KSR1: variants seen among roughly 807,000 people sequenced by gnomAD.
KSR1 encodes kinase suppressor of ras 1.
In KSR1, 35 loss-of-function variants were observed where a neutral mutation model predicts 92.9. That is an observed-to-expected ratio of 0.38 (90% CI 0.29 to 0.50). KSR1 has a LOEUF of 0.50. Among genes scored for constraint, KSR1 ranks in the 20% least tolerant of loss-of-function variants. KSR1 has a pLI of 0.94. For missense variants in KSR1, 972 were observed against 1,158.5 expected (o/e 0.84, Z 2.34); for synonymous variants, 467 against 472.6 (o/e 0.99, Z 0.15).
intron 2 of KSR1, among the ~76,000 whole-genome samples, chr17:27,570,854 A>C (rs1050268128): frequency 6.6e-6 from 1 of 152,220 alleles, no homozygotes; most frequent in Non-Finnish European, 1.5e-5. Context: ...CCGCACCTCC[A>C]GAAATTCTGA....
At chr17:27,483,406 G>A (rs2068569955) in intron 1 of KSR1, among the ~76,000 whole-genome samples, 1 of 151,982 alleles carries the variant, frequency 6.6e-6, no homozygotes, top group Admixed American at 6.6e-5. Flanking sequence ...TGATCAACGT[G>A]GAGAAACCCT....
At chr17:27,475,626 C>A (rs967501057) in intron 1 of KSR1, among the ~76,000 whole-genome samples, 1 of 152,214 alleles carries the variant, frequency 6.6e-6, no homozygotes, top group Non-Finnish European at 1.5e-5. Flanking sequence ...ACGGGGACAG[C>A]GATGCCCTTC....
At chr17:27,535,983 A>G (rs1195900989) in intron 1 of KSR1, among the ~76,000 whole-genome samples, 2 of 152,228 alleles carry the variant, frequency 1.3e-5, no homozygotes, top group Non-Finnish European at 2.9e-5. Context: ...ATGATGGCAG[A>G]CACTGCCTCT....
rs770696646 is a variant in KSR1 at position 27,604,724 on chromosome 17, C to T, written c.1610C>T (p.Ala537Val). Reference sequence around the variant, plus strand: ...GCAGATGTGTTGGAAGCTCACGAAGCGGAGGTGAGGGTGACACACACGTGT... The same window carrying T: ...GCAGATGTGTTGGAAGCTCACGAAGTGGAGGTGAGGGTGACACACACGTGT... ...PKADVLEAHE[A>V]EAEEPEAGKS... Residue 537 changes from alanine to valine, a missense_variant, in exon 13 of 21, where the codon GCG becomes GTG. Ala to Val is a moderately conservative substitution (Grantham distance 64, BLOSUM62 0). Coordinates refer to ENST00000644974, the MANE Select transcript of KSR1 (RefSeq NM_001394583.1). 5.1e-5 allele frequency: 83 copies of T among 1,613,894 alleles called. No homozygotes were observed. In the Middle Eastern group the frequency reaches 9.9e-4, roughly 19 times the overall value.
At chr17:27,560,415 T>G (rs1427735891) in intron 2 of KSR1, 1 of 519,082 alleles carries the variant, frequency 1.9e-6, no homozygotes, top group Non-Finnish European at 3.8e-6. Flanking sequence ...GAATAAGCTC[T>G]TACTGCTGGT....
At chr17:27,538,781 A>C (rs1271444002) in intron 1 of KSR1, among the ~76,000 whole-genome samples, 2 of 152,122 alleles carry the variant, frequency 1.3e-5, no homozygotes, top group Non-Finnish European at 2.9e-5. Context: ...GGCGCCCCTC[A>C]TCCTTCTGGG....
chr17:27,597,056 G>A (rs1360179588), intron 9 of KSR1, among the ~76,000 whole-genome samples: 1 of 152,224 alleles, frequency 6.6e-6, no homozygotes, highest in African/African-American at 2.4e-5. Context: ...GCTGAAATCA[G>A]AAAGCTGAGC....
chr17:27,543,967 G>A (rs748781628), intron 1 of KSR1, among the ~76,000 whole-genome samples: 2 of 152,206 alleles, frequency 1.3e-5, no homozygotes, highest in African/African-American at 4.8e-5. Flanking sequence ...CATATCTTCT[G>A]TATTGCCTAG....
At chr17:27,623,247 C>G (rs1038734840) in intron 20 of KSR1, 67 bp from the exon 21 acceptor site, 1 of 726,624 alleles carries the variant, frequency 1.4e-6, no homozygotes, top group Non-Finnish European at 2.5e-6. Context: ...CATTTCCTAG[C>G]TAGTGTTACC....
chr17:27,576,847 G>A (rs1326472620), intron 2 of KSR1, among the ~76,000 whole-genome samples: 1 of 152,204 alleles, frequency 6.6e-6, no homozygotes, highest in African/African-American at 2.4e-5. Flanking sequence ...AAGATCAGGA[G>A]CAACACCAGG....
At chr17:27,588,675 G>A (rs976478416) in intron 6 of KSR1, 140 bp downstream of exon 6, 3 of 689,992 alleles carry the variant, frequency 4.3e-6, no homozygotes, top group African/African-American at 3.7e-5. Flanking sequence ...ACATGGCCCT[G>A]CACTTACCTG....
At chr17:27,580,783 GATTGGTT>G (rs2072721216) in intron 3 of KSR1, among the ~76,000 whole-genome samples, 1 of 152,084 alleles carries the variant, frequency 6.6e-6, no homozygotes, top group South Asian at 2.1e-4. Context: ...CCTGAAACTG[GATTGGTT>G]ATTTATTTAT....
chr17:27,552,409 G>C (rs1371320476), intron 2 of KSR1, among the ~76,000 whole-genome samples: 1 of 152,188 alleles, frequency 6.6e-6, no homozygotes, highest in Non-Finnish European at 1.5e-5. Flanking sequence ...ATTTCATCAT[G>C]ACATGGTGGA....
chr17:27,464,213 C>T lies in KSR1; in HGVS notation c.231+7339C>T, dbSNP rs566333065. 2.6e-4 allele frequency among the ~76,000 whole-genome samples: 39 copies of T among 152,224 alleles called. No homozygotes were observed. In the South Asian group the frequency reaches 6.2e-3, roughly 24 times the overall value. Reference sequence around the variant, plus strand: ...TGCTTTCCTAGCTCTGTCCCAGTGCCTTAGGGGCCCTGAGGACTGGAGAGA... The same window carrying T: ...TGCTTTCCTAGCTCTGTCCCAGTGCTTTAGGGGCCCTGAGGACTGGAGAGA... On this transcript the variant is annotated intron_variant, in intron 1 of 20. Transcript: ENST00000644974.
At chr17:27,616,251 C>T (rs1023467497) in intron 18 of KSR1, among the ~76,000 whole-genome samples, 1 of 152,124 alleles carries the variant, frequency 6.6e-6, no homozygotes, top group African/African-American at 2.4e-5. Context: ...GTGGAAATCC[C>T]CATTAGACAG....
intron 1 of KSR1, among the ~76,000 whole-genome samples, chr17:27,497,206 T>G (rs1354712840): frequency 6.6e-6 from 1 of 152,208 alleles, no homozygotes. Context: ...CGGTAACCCA[T>G]TTCATTCTTC....
chr17:27,553,401 A>G (rs1008649235), intron 2 of KSR1, among the ~76,000 whole-genome samples: 1 of 152,188 alleles, frequency 6.6e-6, no homozygotes, highest in Non-Finnish European at 1.5e-5. Context: ...ATCAAGAGAG[A>G]TAGCGGGAGT....
At chr17:27,522,917 G>C (rs1463120545) in intron 1 of KSR1, among the ~76,000 whole-genome samples, 1 of 152,156 alleles carries the variant, frequency 6.6e-6, no homozygotes, top group Admixed American at 6.5e-5. Context: ...GCTGTAGCTA[G>C]TTCAGGGTAC....
At chr17:27,525,814 G>C (rs1251078609) in intron 1 of KSR1, among the ~76,000 whole-genome samples, 1 of 152,196 alleles carries the variant, frequency 6.6e-6, no homozygotes, top group East Asian at 1.9e-4. Context: ...ACCCCGGGTA[G>C]TCTAGCAAGA....
Sources: allele counts gnomAD v4.1 joint callset (sites outside exome capture counted in the v4.1 genomes callset), GRCh38; gene constraint gnomAD v4.1.1; transcripts MANE v1.5; gene names NCBI Gene and HGNC (gene_info 2026-07-23, HGNC 2026-07-21).